The following CACNA2D4 variants were observed in gnomAD, a reference collection of about 807,000 sequenced individuals.
CACNA2D4 encodes the protein voltage-dependent calcium channel subunit alpha-2/delta-4.
A neutral mutation model predicts 163.8 loss-of-function variants in CACNA2D4; 157 were observed. The ratio of observed to expected loss-of-function variants is 0.96; its 90% confidence interval spans 0.84 to 1.09. The LOEUF (loss-of-function observed/expected upper bound fraction) is 1.09, where lower values mean the gene tolerates loss of function less well. Among genes scored for constraint, CACNA2D4 ranks in the 50% least tolerant of loss-of-function variants. The pLI, the probability that CACNA2D4 is intolerant of heterozygous loss-of-function variation, is 0.00. For synonymous variants in CACNA2D4, 598 were observed against 586.9 expected (o/e 1.02, Z -0.27); for missense variants, 1,410 against 1,479.9 (o/e 0.95, Z 0.78).
At chr12:1,918,075 G>A in intron 1 of CACNA2D4, 172 bp downstream of exon 1, 1 of 601,594 alleles carries the variant, frequency 1.7e-6, no homozygotes, top group South Asian at 2.1e-5. Context: ...GAAAGAGGAG[G>A]CCGGAGAAGC....
intron 29 of CACNA2D4, chr12:1,809,388 C>G: frequency 1.6e-6 from 1 of 621,028 alleles, no homozygotes; most frequent in Non-Finnish European, 2.9e-6. Flanking sequence ...GTCGCTTGCC[C>G]ACATCACGTT....
chr12:1,829,965 G>C lies in CACNA2D4; in HGVS notation c.2551+10774C>G, dbSNP rs1326251850. Reference sequence around the variant, plus strand: ...TGGAAAGGGCTGCTGCATAATGGAAGGCACTGCTCTGATGTGATTGTTCCC... The same window carrying C: ...TGGAAAGGGCTGCTGCATAATGGAACGCACTGCTCTGATGTGATTGTTCCC... On this transcript the variant is annotated intron_variant, in intron 26 of 37. Transcript: ENST00000382722. The surrounding 1 kb of genome is among the most constrained non-coding windows in gnomAD (Gnocchi z 4.2). 6.6e-6 allele frequency among the ~76,000 whole-genome samples: 1 copy of C among 152,204 alleles called. No individual in the cohort carries two copies. The highest frequency in any genetic ancestry group is 2.4e-5 in the African/African-American group (1 of 41,442).
rs1435041329 is a variant in CACNA2D4 at position 1,833,466 on chromosome 12, C to T, written c.2551+7273G>A. On this transcript the variant is annotated intron_variant, in intron 26 of 37. Transcript: ENST00000382722. This position sits in a 1 kb window ranked among gnomAD's most constrained non-coding sequence, Gnocchi z 4.2. Reference sequence around the variant, plus strand: ...CTCTGTCCAAGCCAGCCTCCACCATCATCATGAAGACATCCTGGCGAGCCC... The same window carrying T: ...CTCTGTCCAAGCCAGCCTCCACCATTATCATGAAGACATCCTGGCGAGCCC... 1.3e-5 allele frequency among the ~76,000 whole-genome samples: 2 copies of T among 152,316 alleles called. No homozygotes were observed. Among genetic ancestry groups the T allele is most frequent in the East Asian group, 1.9e-4 (1 of 5,172 alleles).
In CACNA2D4 at chr12:1,911,021, ATTT is replaced by A. The variant is rs374264665; in HGVS notation, c.427-1059_427-1057del. 4.5e-3 allele frequency among the ~76,000 whole-genome samples: 597 copies of A among 133,446 alleles called. 5 individuals carry two copies. The highest frequency in any genetic ancestry group is 0.017 in the African/African-American group (565 of 33,722). The allele number at this position is 133,446 out of a possible 152,430, so 87.5% of individuals were successfully genotyped here. A position where few individuals can be genotyped will look rare whatever the true frequency, so the allele number is the denominator to read the frequency against. On this transcript the variant is annotated intron_variant, in intron 3 of 37. Coordinates refer to ENST00000382722, the MANE Select transcript of CACNA2D4 (RefSeq NM_172364.5). ...GTCACCTGTATTTTACCGCAATACA[ATTT>A]TTTTTTTTTTTTTTTTTGAGATGGA...
At chr12:1,903,790 C>T (rs1480535103) in intron 6 of CACNA2D4, among the ~76,000 whole-genome samples, 1 of 151,958 alleles carries the variant, frequency 6.6e-6, no homozygotes, top group African/African-American at 2.4e-5. Flanking sequence ...ATTAGTACAA[C>T]AACTATGGAG....
At chr12:1,872,590 A>G (rs1414475107) in intron 18 of CACNA2D4, among the ~76,000 whole-genome samples, 2 of 152,314 alleles carry the variant, frequency 1.3e-5, no homozygotes, top group East Asian at 1.9e-4. Flanking sequence ...CAGGCCGACC[A>G]TGGGGCGGTT....
chr12:1,893,497 G>A (rs1194699069), intron 6 of CACNA2D4, among the ~76,000 whole-genome samples: 3 of 152,088 alleles, frequency 2.0e-5, no homozygotes, highest in Non-Finnish European at 4.4e-5. Context: ...CAGCCTAGGT[G>A]ACAGAGCAAA....
At chr12:1,818,993 A>T (rs547450501) in intron 26 of CACNA2D4, among the ~76,000 whole-genome samples, 43 of 120,116 alleles carry the variant, frequency 3.6e-4, no homozygotes, top group African/African-American at 1.1e-3. Context: ...AATAAATACT[A>T]AAAAAATTAA....
chr12:1,846,225 G>A (rs535124502), intron 24 of CACNA2D4, among the ~76,000 whole-genome samples: 1 of 152,202 alleles, frequency 6.6e-6, no homozygotes, highest in Non-Finnish European at 1.5e-5. Flanking sequence ...AAGCAATTTC[G>A]GCTTTGTCCC....
At chr12:1,909,844 C>A in intron 4 of CACNA2D4, 62 bp downstream of exon 4, 1 of 1,462,554 alleles carries the variant, frequency 6.8e-7, no homozygotes, top group South Asian at 1.2e-5. Flanking sequence ...ATGCCGCCAC[C>A]CCCATATCTG....
intron 37 of CACNA2D4, among the ~76,000 whole-genome samples, chr12:1,794,196 G>A (rs975522212): frequency 6.6e-6 from 1 of 152,140 alleles, no homozygotes; most frequent in African/African-American, 2.4e-5. Flanking sequence ...TAAGTGTAGC[G>A]GGAATGAGGA....
At chr12:1,890,378 C>T (rs191215899) in intron 6 of CACNA2D4, among the ~76,000 whole-genome samples, 160 of 152,352 alleles carry the variant, frequency 1.1e-3, no homozygotes, top group African/African-American at 3.6e-3. Flanking sequence ...CTTCCCACAG[C>T]CACCACCATG....
intron 29 of CACNA2D4, among the ~76,000 whole-genome samples, chr12:1,807,512 T>A (rs991776884): frequency 1.6e-4 from 24 of 151,922 alleles, no homozygotes; most frequent in African/African-American, 5.1e-4. Flanking sequence ...TAAGTTTTTT[T>A]AAAAACAGCA....
chr12:1,864,426 T>TA (rs1865595762), intron 18 of CACNA2D4, among the ~76,000 whole-genome samples: 1 of 152,270 alleles, frequency 6.6e-6, no homozygotes, highest in African/African-American at 2.4e-5. Context: ...TTTCCATAGT[T>TA]ACTCTGCCGT....
chr12:1,913,555 C>G (rs1440961560), intron 2 of CACNA2D4, among the ~76,000 whole-genome samples: 2 of 152,246 alleles, frequency 1.3e-5, no homozygotes, highest in Non-Finnish European at 2.9e-5. Context: ...ATCAGTTCAC[C>G]TTTCCTCAAT....
intron 6 of CACNA2D4, among the ~76,000 whole-genome samples, chr12:1,904,613 A>G (rs932112065): frequency 1.3e-5 from 2 of 152,218 alleles, no homozygotes; most frequent in African/African-American, 4.8e-5. Flanking sequence ...AAGTGGGTAG[A>G]TAAGGAGCTG....
Position 1,885,974 on chromosome 12 carries a change from G to A in CACNA2D4, c.1059C>T (p.Asp353=). 1 of 1,612,396 alleles carries A rather than the reference G, an allele frequency of 6.2e-7. No individual in the cohort carries two copies. Among genetic ancestry groups the A allele is most frequent in the African/African-American group, 1.3e-5 (1 of 75,002 alleles). Residue 353 remains aspartate (D), a synonymous_variant, in exon 9 of 38, where the codon GAC becomes GAT. Transcript: ENST00000382722. The stretch of plus-strand genomic sequence containing the variant: ...CACCGTGGACACTCACCTCTCGATT[G>A]TCTCGGTCCGCCTGGACGAGGATCC... ...FKGILVQADR[D]NREHFKLLVE...
chr12:1,889,588 C>G (rs1030180055), intron 6 of CACNA2D4, among the ~76,000 whole-genome samples: 4 of 151,042 alleles, frequency 2.6e-5, no homozygotes, highest in African/African-American at 7.4e-5. Flanking sequence ...CCGCCCCCCC[C>G]AGTAGCTGGA....
At chr12:1,794,702 A>G (rs934584061) in intron 37 of CACNA2D4, among the ~76,000 whole-genome samples, 1 of 152,228 alleles carries the variant, frequency 6.6e-6, no homozygotes, top group African/African-American at 2.4e-5. Flanking sequence ...GGCACGGGGT[A>G]CGCAGAGCTC....
Sources: gnomAD v4.1 joint callset for allele counts (sites outside exome capture counted in the v4.1 genomes callset) on GRCh38, gnomAD v4.1.1 for gene constraint, Gnocchi (gnomAD v3.1) non-coding constraint, MANE v1.5 for transcripts, NCBI Gene and HGNC (gene_info 2026-07-23, HGNC 2026-07-21) for gene names.